NAV2: variants seen among roughly 807,000 people sequenced by gnomAD.
NAV2 encodes helicase, APC down-regulated 1.
A neutral mutation model predicts 223.2 loss-of-function variants in NAV2; 54 were observed. The ratio of observed to expected loss-of-function variants is 0.24; its 90% confidence interval spans 0.19 to 0.30. The LOEUF (loss-of-function observed/expected upper bound fraction) is 0.30, where lower values mean the gene tolerates loss of function less well. Among genes scored for constraint, NAV2 ranks in the 10% least tolerant of loss-of-function variants. The pLI, the probability that NAV2 is intolerant of heterozygous loss-of-function variation, is 1.00. For missense variants in NAV2, 2,806 were observed against 3,147.5 expected (o/e 0.89, Z 2.60); for synonymous variants, 1,279 against 1,239.3 (o/e 1.03, Z -0.67).
intron 31 of NAV2, among the ~76,000 whole-genome samples, chr11:20,100,042 T>C (rs1460785188): frequency 6.6e-6 from 1 of 152,134 alleles, no homozygotes; most frequent in African/African-American, 2.4e-5. Flanking sequence ...CTGCTAGCAG[T>C]GACTGAGTAC....
intron 1 of NAV2, among the ~76,000 whole-genome samples, chr11:19,501,559 C>T (rs937100718): frequency 6.6e-6 from 1 of 152,024 alleles, no homozygotes; most frequent in African/African-American, 2.4e-5. Flanking sequence ...GGCAGAGTCG[C>T]CTTTGAGTAT....
intron 2 of NAV2, among the ~76,000 whole-genome samples, chr11:19,840,725 AGG>A (rs1270695185): frequency 3.9e-5 from 6 of 152,196 alleles, no homozygotes; most frequent in African/African-American, 1.4e-4. Flanking sequence ...TATAAATGGA[AGG>A]ATAGCTGCCT....
intron 1 of NAV2, among the ~76,000 whole-genome samples, chr11:19,603,680 A>G: frequency 6.6e-6 from 1 of 152,148 alleles, no homozygotes; most frequent in East Asian, 1.9e-4. Context: ...GCAAAAGAGA[A>G]AAGGGACTGG....
At chr11:19,815,923 A>C (rs2059068811) in intron 1 of NAV2, among the ~76,000 whole-genome samples, 1 of 152,192 alleles carries the variant, frequency 6.6e-6, no homozygotes, top group Non-Finnish European at 1.5e-5. Context: ...GAGATGAATC[A>C]ATCAGGGCCT....
chr11:20,092,129 T>A lies in NAV2; in HGVS notation c.5653-77T>A. 2.7e-6 allele frequency: 4 copies of A among 1,471,134 alleles called. No homozygotes were observed. In the South Asian group the frequency reaches 4.9e-5, roughly 18 times the overall value. The allele number at this position is 1,471,134 out of a possible 1,614,324, so 91.1% of individuals were successfully genotyped here. A position where few individuals can be genotyped will look rare whatever the true frequency, so the allele number is the denominator to read the frequency against. On this transcript the variant is annotated intron_variant, in intron 27 of 37. Transcript: ENST00000349880. ...ACCAGCCTGGTTTCTGCAGGGAACT[T>A]TCAGATCCTTCCTTCAGAAAAATCT... is the stretch of plus-strand genomic sequence containing the variant.
At chr11:20,108,474 G>T (rs1033710753) in intron 36 of NAV2, among the ~76,000 whole-genome samples, 13 of 152,008 alleles carry the variant, frequency 8.6e-5, no homozygotes, top group Non-Finnish European at 1.6e-4. Flanking sequence ...ACAGAGTCTT[G>T]TTCTGTCACC....
chr11:19,915,205 T>C (rs956348310), intron 6 of NAV2, among the ~76,000 whole-genome samples: 15 of 152,334 alleles, frequency 9.8e-5, no homozygotes, highest in African/African-American at 2.6e-4. Flanking sequence ...AGGAACTCAG[T>C]TGATCATGGA....
chr11:19,806,388 A>T (rs1345434114), intron 1 of NAV2, among the ~76,000 whole-genome samples: 1 of 152,260 alleles, frequency 6.6e-6, no homozygotes, highest in African/African-American at 2.4e-5. Flanking sequence ...TTCTGTTGTC[A>T]TCAGATTCCT....
At chr11:19,746,703 T>C (rs979317231) in intron 1 of NAV2, among the ~76,000 whole-genome samples, 2 of 152,124 alleles carry the variant, frequency 1.3e-5, no homozygotes, top group Middle Eastern at 3.2e-3. Context: ...CATGTTCTCT[T>C]TTTGAATCTT....
At chr11:19,549,373 C>T (rs2044615466) in intron 1 of NAV2, among the ~76,000 whole-genome samples, 1 of 152,194 alleles carries the variant, frequency 6.6e-6, no homozygotes, top group Non-Finnish European at 1.5e-5. Flanking sequence ...CAACTGGTGG[C>T]TTAATTGTCC....
intron 11 of NAV2, among the ~76,000 whole-genome samples, chr11:20,019,727 T>C (rs890502643): frequency 1.3e-5 from 2 of 151,834 alleles, no homozygotes; most frequent in African/African-American, 2.4e-5. Flanking sequence ...CAGGTACAGA[T>C]GACAGTATGG....
chr11:20,067,438 T>A (rs2059118615), intron 20 of NAV2, among the ~76,000 whole-genome samples: 1 of 152,158 alleles, frequency 6.6e-6, no homozygotes, highest in Non-Finnish European at 1.5e-5. Context: ...AAAATTTTTT[T>A]TAGTATAAAT....
At chr11:19,490,587 A>G (rs888134511) in intron 1 of NAV2, among the ~76,000 whole-genome samples, 1 of 152,310 alleles carries the variant, frequency 6.6e-6, no homozygotes, top group South Asian at 2.1e-4. Flanking sequence ...CATCTTCAGG[A>G]TCCACTTCTA....
At chr11:19,650,057 T>A (rs1224328940) in intron 1 of NAV2, among the ~76,000 whole-genome samples, 3 of 152,240 alleles carry the variant, frequency 2.0e-5, no homozygotes, top group Non-Finnish European at 4.4e-5. Context: ...ACTTACCATA[T>A]GTTATGGGTT....
At chr11:19,741,486 TTTCTTTCTTTC>T (rs989771196) in intron 1 of NAV2, among the ~76,000 whole-genome samples, 9 of 72,196 alleles carry the variant, frequency 1.2e-4, no homozygotes, top group Admixed American at 4.3e-4. Context: ...CCTGGCTTTC[TTTCTTTCTTTC>T]TTTTTTTTTT....
At chr11:19,549,794 G>A (rs2044629751) in intron 1 of NAV2, among the ~76,000 whole-genome samples, 1 of 152,066 alleles carries the variant, frequency 6.6e-6, no homozygotes, top group Non-Finnish European at 1.5e-5. Context: ...GCTGCACCAT[G>A]AGCATTAGGT....
chr11:19,444,299 C>T (rs1376930809), intron 1 of NAV2, among the ~76,000 whole-genome samples: 2 of 152,284 alleles, frequency 1.3e-5, no homozygotes, highest in Admixed American at 1.3e-4. Flanking sequence ...GGCTAGCTGT[C>T]TCCAAAGATT....
chr11:19,806,886 A>C (rs906384313), intron 1 of NAV2, among the ~76,000 whole-genome samples: 1 of 152,152 alleles, frequency 6.6e-6, no homozygotes, highest in African/African-American at 2.4e-5. Context: ...CTCTATGTAG[A>C]GTGTGATATG....
intron 1 of NAV2, among the ~76,000 whole-genome samples, chr11:19,446,421 T>C (rs1872805): frequency 0.92 from 139,258 of 152,194 alleles, 63,769 homozygotes; most frequent in Middle Eastern, 0.95. Context: ...TAACCAAGGC[T>C]CAGCCGACAC....
Sources: gnomAD v4.1 joint callset for allele counts (sites outside exome capture counted in the v4.1 genomes callset) on GRCh38, gnomAD v4.1.1 for gene constraint, MANE v1.5 for transcripts, NCBI Gene and HGNC (gene_info 2026-07-23, HGNC 2026-07-21) for gene names.